Variants in KIAA1217 observed in about 807,000 individuals in gnomAD.
The protein encoded by KIAA1217 is KIAA1217, also known as sickle tail protein homolog.
In KIAA1217, 88 loss-of-function variants were observed where a neutral mutation model predicts 163.9. The observed-to-expected ratio is 0.54, with a 90% CI of 0.45 to 0.64. KIAA1217 has a LOEUF of 0.64. Ranked by LOEUF, KIAA1217 falls within the 30% of genes least tolerant of loss-of-function variation. KIAA1217 has a pLI of 0.00. For synonymous variants in KIAA1217, 903 were observed against 923.1 expected (o/e 0.98, Z 0.39); for missense variants, 2,372 against 2,475.0 (o/e 0.96, Z 0.88).
intron 3 of KIAA1217, 100 bp from the exon 4 acceptor site, chr10:24,432,895 C>T: frequency 1.1e-6 from 1 of 869,966 alleles, no homozygotes; most frequent in East Asian, 2.5e-5. Flanking sequence ...CAAGCTTGTC[C>T]TGAACGTTCC....
chr10:24,209,237 A>G lies in KIAA1217; in HGVS notation c.44A>G (p.Tyr15Cys), dbSNP rs146963456. Reference protein sequence around the residue: ...ESQKCEPCLPYSADRRQMQEQ... With the variant: ...ESQKCEPCLPCSADRRQMQEQ... ...CAGAAATGTGAGCCGTGCCTTCCTT[A>G]CTCAGCAGACAGAAGACAGATGCAG... is the stretch of plus-strand genomic sequence containing the variant. The change falls in exon 1 of 21, where the codon TAC becomes TGC. Residue 15 changes from tyrosine to cysteine, a missense_variant. Tyr to Cys is a radical substitution (Grantham distance 194, BLOSUM62 -2). Around this residue, in one of 3 missense-constraint regions of KIAA1217, gnomAD observed 1,431 missense variants for 1,470.3 expected, o/e 0.97. Coordinates refer to ENST00000376454, the MANE Select transcript of KIAA1217 (RefSeq NM_019590.5). 4.1e-5 allele frequency: 66 copies of G among 1,613,652 alleles called. No homozygotes were observed. The highest frequency in any genetic ancestry group is 5.4e-5 in the Non-Finnish European group (64 of 1,179,888).
At chr10:23,785,094 A>G (rs1835431678) in intron 1 of KIAA1217, among the ~76,000 whole-genome samples, 3 of 151,924 alleles carry the variant, frequency 2.0e-5, no homozygotes. Flanking sequence ...AAAATAGAGT[A>G]ACAACTGGCT....
chr10:24,237,605 T>A (rs2072465854), intron 2 of KIAA1217, among the ~76,000 whole-genome samples: 1 of 152,214 alleles, frequency 6.6e-6, no homozygotes, highest in Non-Finnish European at 1.5e-5. Context: ...TTCTCTCTAA[T>A]GGAACTTTGA....
At chr10:24,149,385 T>C (rs2064493947) in intron 2 of KIAA1217, among the ~76,000 whole-genome samples, 1 of 152,026 alleles carries the variant, frequency 6.6e-6, no homozygotes, top group African/African-American at 2.4e-5. Context: ...GTTTCACCCA[T>C]GTTGACCAGG....
intron 1 of KIAA1217, among the ~76,000 whole-genome samples, chr10:23,941,376 A>G (rs953500145): frequency 3.9e-5 from 6 of 152,228 alleles, no homozygotes; most frequent in African/African-American, 1.4e-4. Context: ...AATATAAACA[A>G]CAATTATTCA....
rs868061564 is a variant in KIAA1217, at chr10:23,790,038, T to C, written c.-321+94804T>C. Among the ~76,000 whole-genome samples, 54 of 115,530 alleles carry C rather than the reference T, an allele frequency of 4.7e-4. 7 individuals carry two copies. Among genetic ancestry groups the C allele is most frequent in the Admixed American group, 6.5e-4 (7 of 10,852 alleles). The allele number at this position is 115,530 out of a possible 152,430, so 75.8% of individuals were successfully genotyped here. ...ATATACACATATGCATATACACATA[T>C]ACATATGCATATACACATATACACA... On this transcript the variant is annotated intron_variant, in intron 1 of 18. Coordinates refer to the KIAA1217 transcript ENST00000376462.
At chr10:24,040,529 A>C (rs1848586788) in intron 2 of KIAA1217, among the ~76,000 whole-genome samples, 1 of 152,266 alleles carries the variant, frequency 6.6e-6, no homozygotes, top group East Asian at 1.9e-4. Context: ...CAGAATTATG[A>C]AGAGTAAAAG....
At chr10:24,380,391 C>T (rs764390134) in intron 2 of KIAA1217, among the ~76,000 whole-genome samples, 1 of 151,810 alleles carries the variant, frequency 6.6e-6, no homozygotes, top group East Asian at 1.9e-4. Context: ...TTTGGGAGGC[C>T]GAGGCAGGCG....
intron 1 of KIAA1217, among the ~76,000 whole-genome samples, chr10:23,932,967 T>G (rs999045318): frequency 3.9e-5 from 6 of 152,196 alleles, no homozygotes; most frequent in African/African-American, 1.4e-4. Context: ...GACAGGTAAA[T>G]TGAATACCAT....
intron 1 of KIAA1217, among the ~76,000 whole-genome samples, chr10:23,978,617 A>C (rs772205618): frequency 6.6e-6 from 1 of 152,000 alleles, no homozygotes; most frequent in Non-Finnish European, 1.5e-5. Context: ...GAATTAATAG[A>C]CTCTGAATGT....
chr10:24,388,749 A>G (rs550417035), intron 3 of KIAA1217, among the ~76,000 whole-genome samples: 2 of 152,290 alleles, frequency 1.3e-5, no homozygotes, highest in South Asian at 2.1e-4. Context: ...GGCGAAGGAT[A>G]TGAACAGACA....
intron 2 of KIAA1217, among the ~76,000 whole-genome samples, chr10:24,346,707 A>G (rs2047833264): frequency 6.7e-6 from 1 of 149,986 alleles, no homozygotes; most frequent in Non-Finnish European, 1.5e-5. Context: ...AGTAGCTGGG[A>G]CCACCAGGTG....
chr10:24,450,359 A>G (rs924810308), intron 5 of KIAA1217, among the ~76,000 whole-genome samples: 1 of 152,236 alleles, frequency 6.6e-6, no homozygotes, highest in Non-Finnish European at 1.5e-5. Context: ...AAAAACTTCT[A>G]CAGTTTTAAA....
intron 2 of KIAA1217, among the ~76,000 whole-genome samples, chr10:24,222,239 C>T (rs940367425): frequency 1.3e-5 from 2 of 152,148 alleles, no homozygotes; most frequent in African/African-American, 4.8e-5. Flanking sequence ...GCTAGTTCTG[C>T]CATGGCTGGC....
intron 1 of KIAA1217, among the ~76,000 whole-genome samples, chr10:23,914,711 C>G (rs1417784037): frequency 1.3e-5 from 2 of 152,166 alleles, no homozygotes; most frequent in African/African-American, 4.8e-5. Flanking sequence ...CTCTTTCACT[C>G]CAGCCCAGGT....
chr10:23,950,488 G>A (rs545681862), intron 1 of KIAA1217, among the ~76,000 whole-genome samples: 4 of 111,152 alleles, frequency 3.6e-5, no homozygotes, highest in African/African-American at 1.3e-4. Context: ...ACAGGGATAC[G>A]GGAGGGGAAA....
At chr10:24,064,072 T>A (rs2060840549) in intron 2 of KIAA1217, among the ~76,000 whole-genome samples, 1 of 152,202 alleles carries the variant, frequency 6.6e-6, no homozygotes, top group South Asian at 2.1e-4. Flanking sequence ...AGATACACAA[T>A]CATGTCATCT....
chr10:24,167,761 G>T (rs1033188481), intron 2 of KIAA1217, among the ~76,000 whole-genome samples: 3 of 152,242 alleles, frequency 2.0e-5, no homozygotes, highest in African/African-American at 7.2e-5. Flanking sequence ...AGTCTGTTTT[G>T]TGCTGCTGTA....
chr10:24,449,824 A>T, intron 5 of KIAA1217: 1 of 842,534 alleles, frequency 1.2e-6, no homozygotes, highest in East Asian at 1.2e-4. Context: ...ATGCTCTGGC[A>T]CGTTTATCTT....
Sources: allele counts gnomAD v4.1 joint callset (sites outside exome capture counted in the v4.1 genomes callset), GRCh38; gene constraint gnomAD v4.1.1; regional missense constraint gnomAD v4.1.1; transcripts MANE v1.5; gene names NCBI Gene and HGNC (gene_info 2026-07-23, HGNC 2026-07-21).